The following ZDHHC14 variants were observed in gnomAD, a reference collection of about 807,000 sequenced individuals.
ZDHHC14 encodes zDHHC palmitoyltransferase 14, also known as palmitoyltransferase ZDHHC14.
ZDHHC14 carries 16 observed loss-of-function variants against 47.7 expected under a neutral mutation model. The observed-to-expected ratio is 0.34, with a 90% CI of 0.23 to 0.51. ZDHHC14 has a LOEUF of 0.51. Ranked by LOEUF, ZDHHC14 falls within the 20% of genes least tolerant of loss-of-function variation. The probability of loss-of-function intolerance (pLI) is 0.97; values close to 1 mark genes in which losing one functional copy is unlikely to be tolerated. For synonymous variants in ZDHHC14, 293 were observed against 278.9 expected (o/e 1.05, Z -0.50); for missense variants, 515 against 662.5 (o/e 0.78, Z 2.44).
At chr6:157,601,468 T>G (rs1200835398) in intron 3 of ZDHHC14, among the ~76,000 whole-genome samples, 1 of 152,216 alleles carries the variant, frequency 6.6e-6, no homozygotes, top group Non-Finnish European at 1.5e-5. Context: ...ACTAGTTTTT[T>G]TATGTTTAGT....
At chr6:157,447,328 G>C (rs561846351) in intron 1 of ZDHHC14, among the ~76,000 whole-genome samples, 2 of 152,298 alleles carry the variant, frequency 1.3e-5, no homozygotes, top group Non-Finnish European at 1.5e-5. Flanking sequence ...GGTCAAGTGG[G>C]GGCACCTCCT....
intron 1 of ZDHHC14, among the ~76,000 whole-genome samples, chr6:157,425,868 G>C (rs1411721473): frequency 1.3e-5 from 2 of 152,126 alleles, no homozygotes; most frequent in Non-Finnish European, 2.9e-5. Flanking sequence ...AGAACCCTTG[G>C]ACACCTGTTT....
intron 8 of ZDHHC14, among the ~76,000 whole-genome samples, chr6:157,654,955 G>A (rs1422314940): frequency 6.6e-6 from 1 of 152,082 alleles, no homozygotes; most frequent in Non-Finnish European, 1.5e-5. Flanking sequence ...GGCTGGTCTC[G>A]AACTCCTGAC....
In ZDHHC14 at chr6:157,382,207, C is replaced by G. The variant is rs765067657; in HGVS notation, c.186C>G (p.Gly62=). ...GGATCATGATGGCCCGGCAGACGGGCGTCTTCTACCTGACGCTCGTCCTCA... is the reference window on the plus strand; with the variant it reads ...GGATCATGATGGCCCGGCAGACGGGGGTCTTCTACCTGACGCTCGTCCTCA... ...NGRIMMARQT[G]VFYLTLVLIL... is the part of the protein sequence containing the mutation. Residue 62 remains glycine, a synonymous_variant, in exon 1 of 9, where the codon GGC becomes GGG. Transcript: ENST00000359775. The G allele has an allele frequency of 6.2e-7, 1 of 1,613,368 alleles. No individual in the cohort carries two copies. The highest frequency in any genetic ancestry group is 1.1e-5 in the South Asian group (1 of 91,058).
chr6:157,594,189 C>T (rs1402798997), intron 3 of ZDHHC14, among the ~76,000 whole-genome samples: 2 of 152,148 alleles, frequency 1.3e-5, no homozygotes, highest in African/African-American at 4.8e-5. Context: ...TCCTGCTGTG[C>T]AAAGCAGTCT....
intron 2 of ZDHHC14, among the ~76,000 whole-genome samples, chr6:157,560,884 G>A (rs1582942963): frequency 6.6e-6 from 1 of 152,312 alleles, no homozygotes; most frequent in East Asian, 1.9e-4. Context: ...TGTGAAAATA[G>A]CAGATTGCTT....
At chr6:157,595,595 A>G (rs1454120481) in intron 3 of ZDHHC14, among the ~76,000 whole-genome samples, 1 of 152,168 alleles carries the variant, frequency 6.6e-6, no homozygotes, top group African/African-American at 2.4e-5. Context: ...CTGAAAGTTC[A>G]TATAATCACA....
chr6:157,527,275 T>C (rs1482437240), intron 1 of ZDHHC14, among the ~76,000 whole-genome samples: 1 of 152,144 alleles, frequency 6.6e-6, no homozygotes, highest in Non-Finnish European at 1.5e-5. Context: ...TCCCATCGAC[T>C]CCAGGAGCTC....
At chr6:157,542,369 C>T (rs938973240) in intron 1 of ZDHHC14, among the ~76,000 whole-genome samples, 3 of 152,314 alleles carry the variant, frequency 2.0e-5, no homozygotes, top group East Asian at 1.9e-4. Context: ...GCTTGGGCGT[C>T]ATACTGGGGA....
chr6:157,665,374 C>T (rs942361808), intron 8 of ZDHHC14, among the ~76,000 whole-genome samples: 4 of 152,160 alleles, frequency 2.6e-5, no homozygotes, highest in African/African-American at 9.7e-5. Context: ...CTACTCTGAC[C>T]TAAAGCTGTT....
chr6:157,573,036 G>A (rs1351241719), intron 2 of ZDHHC14, among the ~76,000 whole-genome samples: 1 of 151,992 alleles, frequency 6.6e-6, no homozygotes, highest in Non-Finnish European at 1.5e-5. Context: ...CATGCCCTTT[G>A]ATGACCAAGT....
At chr6:157,522,921 CT>C in intron 1 of ZDHHC14, among the ~76,000 whole-genome samples, 1 of 54,210 alleles carries the variant, frequency 1.8e-5, no homozygotes, top group East Asian at 3.4e-4. Flanking sequence ...TCCTTCCTTC[CT>C]TTCTTTCTTT....
intron 5 of ZDHHC14, among the ~76,000 whole-genome samples, chr6:157,637,153 C>T (rs1777027359): frequency 6.6e-6 from 1 of 152,206 alleles, no homozygotes; most frequent in Non-Finnish European, 1.5e-5. Flanking sequence ...CCCATCAGCA[C>T]ATCTGTTGGT....
chr6:157,666,265 T>C (rs998339865), intron 8 of ZDHHC14, among the ~76,000 whole-genome samples: 2 of 152,266 alleles, frequency 1.3e-5, no homozygotes, highest in African/African-American at 4.8e-5. Context: ...CAATTTTGTT[T>C]TTAGAAAATC....
chr6:157,625,531 G>C (rs960042742), intron 3 of ZDHHC14, among the ~76,000 whole-genome samples: 1 of 152,148 alleles, frequency 6.6e-6, no homozygotes. Flanking sequence ...AAGAGACCCT[G>C]GGTGCAACTG....
At chr6:157,408,801 T>C (rs1003383067) in intron 1 of ZDHHC14, among the ~76,000 whole-genome samples, 1 of 152,250 alleles carries the variant, frequency 6.6e-6, no homozygotes, top group East Asian at 1.9e-4. Context: ...AAATGATTTA[T>C]AGTCCTTTCG....
At chr6:157,576,842 C>T (rs1783324455) in intron 2 of ZDHHC14, among the ~76,000 whole-genome samples, 1 of 152,204 alleles carries the variant, frequency 6.6e-6, no homozygotes, top group African/African-American at 2.4e-5. Flanking sequence ...TGCCACTGTT[C>T]CGAATCCTTC....
chr6:157,585,019 A>T (rs1225408328), intron 2 of ZDHHC14, among the ~76,000 whole-genome samples: 2 of 152,162 alleles, frequency 1.3e-5, no homozygotes, highest in Non-Finnish European at 2.9e-5. Context: ...AGCCTGGCCA[A>T]CATGGCAAAA....
intron 2 of ZDHHC14, among the ~76,000 whole-genome samples, chr6:157,575,783 T>C (rs1163446484): frequency 6.6e-6 from 1 of 152,268 alleles, no homozygotes; most frequent in Non-Finnish European, 1.5e-5. Flanking sequence ...AATTAATATA[T>C]GCCCTCCAAC....
Sources: allele counts gnomAD v4.1 joint callset (sites outside exome capture counted in the v4.1 genomes callset), GRCh38; gene constraint gnomAD v4.1.1; transcripts MANE v1.5; gene names NCBI Gene and HGNC (gene_info 2026-07-23, HGNC 2026-07-21).